Variants in GLB1 observed in about 807,000 individuals in gnomAD.
GLB1 encodes beta-galactosidase.
In GLB1, 56 loss-of-function variants were observed where a neutral mutation model predicts 74.0. The ratio of observed to expected loss-of-function variants is 0.76; its 90% CI spans 0.61 to 0.94. The LOEUF is 0.94. Ranked by LOEUF, GLB1 falls within the 40% of genes least tolerant of loss-of-function variation. The pLI is 0.00. For missense variants in GLB1, 787 were observed against 845.5 expected, an observed-to-expected ratio of 0.93 and a Z score of 0.86; for synonymous variants, 323 against 323.6, an observed-to-expected ratio of 1.00 and a Z score of 0.02.
intron 12 of GLB1, among the ~76,000 whole-genome samples, chr3:33,019,895 A>G (rs1160247235): frequency 6.6e-6 from 1 of 152,060 alleles, no homozygotes; most frequent in African/African-American, 2.4e-5. Context: ...CTGGAAATAG[A>G]TATTCTGTGG....
chr3:32,971,562 G>A, the GLB1 span, among the ~76,000 whole-genome samples: 25 of 152,308 alleles, frequency 1.6e-4, no homozygotes, highest in East Asian at 3.9e-4. Context: ...ACTTCACTTC[G>A]CCTAACCTTG....
At chr3:33,060,991 AG>A (rs1315615760) in intron 5 of GLB1, among the ~76,000 whole-genome samples, 1 of 152,212 alleles carries the variant, frequency 6.6e-6, no homozygotes, top group Non-Finnish European at 1.5e-5. Context: ...GGAAAAAAAA[AG>A]GTGGGTGAAG....
At chr3:32,964,944 C>A in the GLB1 span, among the ~76,000 whole-genome samples, 2 of 152,132 alleles carry the variant, frequency 1.3e-5, no homozygotes, top group African/African-American at 4.8e-5. Flanking sequence ...TTATAAAGGG[C>A]AGTTCCCCGC....
At chr3:32,962,027 C>T in the GLB1 span, among the ~76,000 whole-genome samples, 4 of 152,280 alleles carry the variant, frequency 2.6e-5, no homozygotes, top group East Asian at 1.9e-4. Flanking sequence ...GAAACCCCGT[C>T]TACTAAAAAT....
intron 1 of GLB1, among the ~76,000 whole-genome samples, chr3:33,074,989 CACAA>C (rs1273131294): frequency 6.6e-6 from 1 of 152,170 alleles, no homozygotes; most frequent in Non-Finnish European, 1.5e-5. Context: ...GCTAAATAAA[CACAA>C]ACAACTAAGA....
At chr3:33,000,525 G>C (rs1301480602) in intron 15 of GLB1, among the ~76,000 whole-genome samples, 1 of 152,096 alleles carries the variant, frequency 6.6e-6, no homozygotes, top group African/African-American at 2.4e-5. Flanking sequence ...TCAGGAGTTC[G>C]AGACCAGCCT....
At chr3:33,086,278 A>T (rs1700500449) in intron 1 of GLB1, among the ~76,000 whole-genome samples, 1 of 152,186 alleles carries the variant, frequency 6.6e-6, no homozygotes, top group South Asian at 2.1e-4. Context: ...GTATCAGATC[A>T]TTATGCTATA....
intron 5 of GLB1, among the ~76,000 whole-genome samples, chr3:33,064,935 T>G (rs753111346): frequency 6.6e-6 from 1 of 152,080 alleles, no homozygotes; most frequent in Non-Finnish European, 1.5e-5. Flanking sequence ...CAAGAACACA[T>G]AGAAGAAGGA....
the GLB1 span, among the ~76,000 whole-genome samples, chr3:32,969,492 G>C: frequency 6.6e-6 from 1 of 152,160 alleles, no homozygotes; most frequent in Non-Finnish European, 1.5e-5. Flanking sequence ...AACACTAAAG[G>C]CTAAAGAAAA....
intron 15 of GLB1, among the ~76,000 whole-genome samples, chr3:33,006,981 C>A (rs1204925336): frequency 6.6e-6 from 1 of 152,194 alleles, no homozygotes; most frequent in Non-Finnish European, 1.5e-5. Flanking sequence ...CGTGCTCATT[C>A]TTTCAAATGT....
intron 9 of GLB1, among the ~76,000 whole-genome samples, chr3:33,049,507 C>T (rs1178362146): frequency 6.6e-6 from 1 of 152,136 alleles, no homozygotes; most frequent in Non-Finnish European, 1.5e-5. Context: ...ACCTCCACCA[C>T]CTGGGTTCAA....
intron 14 of GLB1, 54 bp downstream of exon 14, chr3:33,016,655 A>G (rs769973733): frequency 3.9e-5 from 62 of 1,609,254 alleles, no homozygotes; most frequent in Admixed American, 5.0e-5. Context: ...CTGGGCTTCA[A>G]CTTCTAAGTT....
chr3:33,047,188 A>G (rs1332957426), intron 9 of GLB1, among the ~76,000 whole-genome samples: 1 of 152,164 alleles, frequency 6.6e-6, no homozygotes, highest in African/African-American at 2.4e-5. Flanking sequence ...ACCTACAACA[A>G]AGACCAATGG....
Position 33,094,242 on chromosome 3 carries a change from C to T in GLB1, c.75+2769G>A, listed in dbSNP as rs749628290. 19 of 1,532,314 alleles carry T rather than the reference C, an allele frequency of 1.2e-5. No homozygotes were observed. The South Asian group carries it at 2.3e-4, about 18-fold the overall frequency. The allele number at this position is 1,532,314 out of a possible 1,614,324, so 94.9% of individuals were successfully genotyped here. On this transcript the variant is annotated intron_variant, in intron 1 of 15. Transcript: ENST00000307363. ...CCCCCACCAGTTCTGTGCTGGTGGA[C>T]TCTGGAAATGAGTTCCTTAGAAAGG... is the stretch of plus-strand genomic sequence containing the variant.
intron 10 of GLB1, chr3:33,045,901 T>C: frequency 1.2e-6 from 1 of 820,846 alleles, no homozygotes; most frequent in Non-Finnish European, 1.8e-6. Context: ...AGTTTTTAAA[T>C]ACATGTCTTA....
intron 4 of GLB1, 31 bp from the exon 5 acceptor site, chr3:33,065,588 T>C (rs1399191862): frequency 6.4e-7 from 1 of 1,553,904 alleles, no homozygotes; most frequent in Admixed American, 1.9e-5. Flanking sequence ...AACACAAGCT[T>C]GTCCAACCCC....
chr3:33,051,226 T>A lies in GLB1; in HGVS notation c.955+532A>T, dbSNP rs1401983492. ...TCCAGCCTGGGCGACAGAGCGAGAC[T>A]GCGTCTCAAAAAAAAAAAAAAAAAA... On this transcript the variant is annotated intron_variant, in intron 9 of 15. Coordinates refer to ENST00000307363, the MANE Select transcript of GLB1 (RefSeq NM_000404.4). Among the ~76,000 whole-genome samples the A allele has an allele frequency of 2.7e-5, 3 of 110,754 alleles. No individual in the cohort carries two copies. The South Asian group carries it at 9.6e-4, about 35-fold the overall frequency. 72.7% of individuals were successfully genotyped at this position (110,754 alleles called of 152,430 possible). A position where few individuals can be genotyped will look rare whatever the true frequency, so the allele number is the denominator to read the frequency against.
At chr3:33,011,336 A>G (rs896142239) in intron 15 of GLB1, among the ~76,000 whole-genome samples, 4 of 152,090 alleles carry the variant, frequency 2.6e-5, no homozygotes, top group African/African-American at 4.8e-5. Context: ...TATAATAACT[A>G]TAAGTTGGAA....
the GLB1 span, among the ~76,000 whole-genome samples, chr3:32,967,838 C>T: frequency 6.6e-6 from 1 of 152,128 alleles, no homozygotes; most frequent in Non-Finnish European, 1.5e-5. Flanking sequence ...CATCCCAGCA[C>T]CCTGCCTGGT....
Sources: allele counts gnomAD v4.1 joint callset (sites outside exome capture counted in the v4.1 genomes callset), GRCh38; gene constraint gnomAD v4.1.1; transcripts MANE v1.5; gene names NCBI Gene and HGNC (gene_info 2026-07-23, HGNC 2026-07-21).